Variants in TM9SF2 observed in about 807,000 individuals in gnomAD.
The protein encoded by TM9SF2 is 76 kDa membrane protein.
TM9SF2 carries 13 observed loss-of-function variants against 84.9 expected under a neutral mutation model. The ratio of observed to expected loss-of-function variants is 0.15; its 90% CI spans 0.10 to 0.24. TM9SF2 has a LOEUF of 0.24. TM9SF2 is among the 10% of genes least tolerant of loss of function. The pLI is 1.00. For synonymous variants in TM9SF2, 273 were observed against 285.8 expected (o/e 0.96, Z 0.45); for missense variants, 562 against 818.5 (o/e 0.69, Z 3.82).
At chr13:99,512,593 T>C (rs974490648) in intron 1 of TM9SF2, among the ~76,000 whole-genome samples, 1 of 152,186 alleles carries the variant, frequency 6.6e-6, no homozygotes, top group Non-Finnish European at 1.5e-5. Context: ...ATAAGAGTGA[T>C]AGTAATTGGT....
intron 10 of TM9SF2, among the ~76,000 whole-genome samples, chr13:99,545,712 G>C (rs1167576296): frequency 2.6e-5 from 4 of 152,116 alleles, no homozygotes; most frequent in African/African-American, 9.6e-5. Flanking sequence ...GATTACAGGC[G>C]CCTGCCACCA....
intron 12 of TM9SF2, among the ~76,000 whole-genome samples, chr13:99,549,922 T>G (rs1428796242): frequency 2.6e-5 from 4 of 152,362 alleles, no homozygotes; most frequent in Admixed American, 2.6e-4. Flanking sequence ...AATACACATT[T>G]GGGATAAATA....
At chr13:99,528,907 A>G (rs1325150414) in intron 3 of TM9SF2, among the ~76,000 whole-genome samples, 2 of 152,242 alleles carry the variant, frequency 1.3e-5, no homozygotes, top group African/African-American at 4.8e-5. Flanking sequence ...GAATTTATTA[A>G]AAGATGGAAT....
chr13:99,508,426 C>CACACACACACACACAT (rs2046098287), intron 1 of TM9SF2, among the ~76,000 whole-genome samples: 1 of 151,274 alleles, frequency 6.6e-6, no homozygotes. Flanking sequence ...CACACACACA[C>CACACACACACACACAT]ACACACACAC....
intron 8 of TM9SF2, among the ~76,000 whole-genome samples, chr13:99,541,191 G>A (rs1262552456): frequency 2.0e-5 from 3 of 152,188 alleles, no homozygotes; most frequent in Non-Finnish European, 4.4e-5. Context: ...ATTGCTGTCT[G>A]ATCTTTTTGA....
At chr13:99,549,933 TTCTC>T (rs1231994012) in intron 12 of TM9SF2, among the ~76,000 whole-genome samples, 2 of 152,220 alleles carry the variant, frequency 1.3e-5, no homozygotes, top group Admixed American at 6.5e-5. Context: ...GGGATAAATA[TTCTC>T]TCTATCACCT....
At chr13:99,546,724 C>T (rs1298723584) in intron 10 of TM9SF2, among the ~76,000 whole-genome samples, 1 of 152,108 alleles carries the variant, frequency 6.6e-6, no homozygotes, top group Non-Finnish European at 1.5e-5. Context: ...GTCAGCCTCC[C>T]CTGATCACAG....
intron 5 of TM9SF2, among the ~76,000 whole-genome samples, chr13:99,537,211 A>G (rs1223175227): frequency 6.6e-6 from 1 of 152,202 alleles, no homozygotes; most frequent in Non-Finnish European, 1.5e-5. Context: ...GTGGGGATAT[A>G]TATTAAAATG....
rs939083963 is a variant in TM9SF2, at chr13:99,563,853, G to T, written c.*1095G>T. The T allele has an allele frequency of 2.6e-5, 4 of 152,120 alleles. No homozygotes were observed. The highest frequency in any genetic ancestry group is 9.7e-5 in the African/African-American group (4 of 41,418). The allele number at this position is 152,120 out of a possible 1,614,324, so 9.4% of individuals were successfully genotyped here. ...GTCTTTCACATTCATCTGACTAATT[G>T]AAATCCATTTATGTAGAATATAGGA... On this transcript the variant is annotated 3_prime_UTR_variant, in exon 17 of 17. Transcript: ENST00000376387.
chr13:99,514,478 A>G (rs571014376), intron 1 of TM9SF2, among the ~76,000 whole-genome samples: 23 of 152,340 alleles, frequency 1.5e-4, no homozygotes, highest in African/African-American at 5.3e-4. Context: ...GATGGACCAC[A>G]CCATATATAT....
chr13:99,559,343 C>T lies in TM9SF2; in HGVS notation c.1753-20C>T. On this transcript the variant is annotated intron_variant, in intron 15 of 16. Transcript: ENST00000376387. ...TATTAATTGGAATGTAATTCTTGTTCTTTTTTCTTTACTACCTAGGATTAT... is the reference window on the plus strand; with the variant it reads ...TATTAATTGGAATGTAATTCTTGTTTTTTTTTCTTTACTACCTAGGATTAT... 6.4e-7 allele frequency: 1 copy of T among 1,551,928 alleles called. No individual in the cohort carries two copies. The highest frequency in any genetic ancestry group is 8.7e-7 in the Non-Finnish European group (1 of 1,149,932).
intron 1 of TM9SF2, among the ~76,000 whole-genome samples, chr13:99,510,462 C>T (rs757188168): frequency 3.9e-5 from 6 of 152,186 alleles, no homozygotes; most frequent in Non-Finnish European, 5.9e-5. Flanking sequence ...AATTGGCTCA[C>T]GATTCTGCAG....
chr13:99,508,420 C>G (rs1054316662), intron 1 of TM9SF2, among the ~76,000 whole-genome samples: 7 of 151,058 alleles, frequency 4.6e-5, no homozygotes, highest in African/African-American at 1.7e-4. Flanking sequence ...CACACACACA[C>G]ACACACACAC....
chr13:99,518,884 G>A (rs371471704), intron 2 of TM9SF2, among the ~76,000 whole-genome samples: 2 of 151,660 alleles, frequency 1.3e-5, no homozygotes, highest in East Asian at 3.9e-4. Context: ...AAGGTGCTGG[G>A]ATTACAGGCA....
At chr13:99,517,575 TG>T in intron 1 of TM9SF2, 38 bp from the exon 2 acceptor site, 1 of 1,392,226 alleles carries the variant, frequency 7.2e-7, no homozygotes, top group Non-Finnish European at 9.9e-7. Context: ...CTTTGTGTCC[TG>T]TTGTTTATAT....
intron 3 of TM9SF2, 55 bp downstream of exon 3, chr13:99,520,184 T>C: frequency 4.0e-6 from 6 of 1,482,538 alleles, no homozygotes; most frequent in Non-Finnish European, 5.5e-6. Flanking sequence ...GTTTTTGTTA[T>C]TTAAGAAAAG....
chr13:99,549,892 C>T (rs561957546), intron 12 of TM9SF2, among the ~76,000 whole-genome samples: 8 of 152,298 alleles, frequency 5.3e-5, no homozygotes, highest in South Asian at 2.1e-4. Context: ...GAAATGCAAG[C>T]GTGATGGCAG....
intron 1 of TM9SF2, among the ~76,000 whole-genome samples, chr13:99,507,049 A>G (rs1198380175): frequency 6.6e-6 from 1 of 152,236 alleles, no homozygotes; most frequent in African/African-American, 2.4e-5. Context: ...TTTGCTAATA[A>G]TAATGGTAAA....
intron 10 of TM9SF2, among the ~76,000 whole-genome samples, chr13:99,546,543 T>C (rs925134294): frequency 1.3e-5 from 2 of 151,948 alleles, no homozygotes; most frequent in African/African-American, 4.8e-5. Flanking sequence ...ATGTCTCTTC[T>C]GTTTGAATGT....
Sources: allele counts gnomAD v4.1 joint callset (sites outside exome capture counted in the v4.1 genomes callset), GRCh38; gene constraint gnomAD v4.1.1; transcripts MANE v1.5; gene names NCBI Gene and HGNC (gene_info 2026-07-23, HGNC 2026-07-21).